DNAAF11: variants seen among roughly 807,000 people sequenced by gnomAD.
The protein encoded by DNAAF11 is leucine rich repeat containing 6.
A neutral mutation model predicts 60.8 loss-of-function variants in DNAAF11; 45 were observed. The ratio of observed to expected loss-of-function variants is 0.74; its 90% CI spans 0.58 to 0.95. The LOEUF is 0.95. Among genes scored for constraint, DNAAF11 ranks in the 40% least tolerant of loss-of-function variants. DNAAF11 has a pLI of 0.00. For synonymous variants in DNAAF11, 191 were observed against 183.5 expected (o/e 1.04, Z -0.33); for missense variants, 546 against 546.2 (o/e 1.00, Z 0.00).
intron 11 of DNAAF11, among the ~76,000 whole-genome samples, chr8:132,574,242 G>A (rs753006135): frequency 1.3e-5 from 2 of 152,194 alleles, no homozygotes; most frequent in African/African-American, 2.4e-5. Flanking sequence ...CAGTAAACAT[G>A]GCAGGCCAGA....
chr8:132,621,649 C>A (rs1253388354), intron 7 of DNAAF11, among the ~76,000 whole-genome samples: 1 of 152,044 alleles, frequency 6.6e-6, no homozygotes, highest in Non-Finnish European at 1.5e-5. Context: ...AACCTGTTAA[C>A]AGTCATTGCT....
intron 3 of DNAAF11, among the ~76,000 whole-genome samples, chr8:132,639,110 C>T (rs978721069): frequency 2.0e-5 from 3 of 152,192 alleles, no homozygotes; most frequent in Admixed American, 2.0e-4. Context: ...ATTAGAATAG[C>T]TCAATGAGCA....
intron 11 of DNAAF11, among the ~76,000 whole-genome samples, chr8:132,582,066 G>C (rs1815399941): frequency 6.6e-6 from 1 of 152,220 alleles, no homozygotes; most frequent in South Asian, 2.1e-4. Context: ...GGCCCTCCCG[G>C]TGGACGGCTG....
chr8:132,694,266 T>C, the DNAAF11 span, among the ~76,000 whole-genome samples: 11 of 152,192 alleles, frequency 7.2e-5, no homozygotes, highest in African/African-American at 2.7e-4. Context: ...GTGGACTCAG[T>C]TGTGTCCTCC....
At chr8:132,635,034 A>G (rs1222702328) in intron 4 of DNAAF11, among the ~76,000 whole-genome samples, 2 of 152,130 alleles carry the variant, frequency 1.3e-5, no homozygotes, top group African/African-American at 2.4e-5. Context: ...TGACAACTGA[A>G]CCCTCTGTCA....
At chr8:132,690,955 T>C in the DNAAF11 span, among the ~76,000 whole-genome samples, 23 of 152,104 alleles carry the variant, frequency 1.5e-4, no homozygotes, top group African/African-American at 5.3e-4. Context: ...CTGGCTAAAG[T>C]AGTATTTGTC....
intron 2 of DNAAF11, among the ~76,000 whole-genome samples, chr8:132,657,910 C>T (rs1232529395): frequency 6.6e-6 from 1 of 152,138 alleles, no homozygotes; most frequent in Non-Finnish European, 1.5e-5. Context: ...GACTCCAGAA[C>T]CTGGAACTAA....
At position 132,675,361 on chromosome 8, in the gene DNAAF11, G is replaced by C. The variant is rs543160355; in HGVS notation, c.10+123C>G. On this transcript the variant is annotated intron_variant, in intron 1 of 11. Transcript: ENST00000620350. Reference sequence around the variant, plus strand: ...CGGTGCGGAGGGCCGGGTGGGGTTAGGGTCCGCCCAGGCGCGGGGGAACCG... The same window carrying C: ...CGGTGCGGAGGGCCGGGTGGGGTTACGGTCCGCCCAGGCGCGGGGGAACCG... The C allele has an allele frequency of 2.4e-4, 265 of 1,106,270 alleles. 2 individuals are homozygous for C. The South Asian group carries it at 4.0e-3, about 17-fold the overall frequency. The allele number at this position is 1,106,270 out of a possible 1,614,324, so 68.5% of individuals were successfully genotyped here. A position where few individuals can be genotyped will look rare whatever the true frequency, so the allele number is the denominator to read the frequency against.
At chr8:132,595,766 T>A (rs952323583) in intron 10 of DNAAF11, among the ~76,000 whole-genome samples, 1 of 152,104 alleles carries the variant, frequency 6.6e-6, no homozygotes, top group Admixed American at 6.6e-5. Context: ...AAAACACAAC[T>A]ATAAACGAAA....
At chr8:132,628,273 A>G (rs1820473657) in intron 5 of DNAAF11, among the ~76,000 whole-genome samples, 2 of 152,068 alleles carry the variant, frequency 1.3e-5, no homozygotes, top group South Asian at 4.1e-4. Context: ...TTACTCGGGC[A>G]TGGTGGCACA....
At chr8:132,679,195 T>G (rs1825830010), upstream of DNAAF11, among the ~76,000 whole-genome samples, 1 of 152,360 alleles carries the variant, frequency 6.6e-6, no homozygotes, top group South Asian at 2.1e-4. Flanking sequence ...TTTTTTAGAC[T>G]GAGAGCTACT....
chr8:132,678,571 G>A (rs1825821221), upstream of DNAAF11, among the ~76,000 whole-genome samples: 3 of 151,818 alleles, frequency 2.0e-5, 1 homozygote, highest in South Asian at 4.2e-4. Context: ...TTTTTATAGA[G>A]ATAAGGTCTC....
intron 10 of DNAAF11, among the ~76,000 whole-genome samples, chr8:132,603,821 C>A: frequency 6.6e-6 from 1 of 151,748 alleles, no homozygotes; most frequent in East Asian, 1.9e-4. Context: ...AGGTGACATT[C>A]AAAGAAAAAG....
chr8:132,583,257 C>T (rs1586474156), intron 11 of DNAAF11, among the ~76,000 whole-genome samples: 1 of 152,214 alleles, frequency 6.6e-6, no homozygotes, highest in East Asian at 1.9e-4. Context: ...AGCAACGGTA[C>T]CAGCAAGGTT....
chr8:132,599,012 T>C (rs1817314080), intron 10 of DNAAF11, among the ~76,000 whole-genome samples: 1 of 151,884 alleles, frequency 6.6e-6, no homozygotes, highest in Non-Finnish European at 1.5e-5. Context: ...ATCAACAACA[T>C]TGATAGACCG....
At chr8:132,651,250 C>T (rs1293052225) in intron 3 of DNAAF11, among the ~76,000 whole-genome samples, 1 of 151,324 alleles carries the variant, frequency 6.6e-6, no homozygotes, top group Non-Finnish European at 1.5e-5. Flanking sequence ...TTATTCTACC[C>T]TGGTGAATCT....
At chr8:132,650,006 T>A (rs1822838278) in intron 3 of DNAAF11, among the ~76,000 whole-genome samples, 1 of 152,202 alleles carries the variant, frequency 6.6e-6, no homozygotes, top group Non-Finnish European at 1.5e-5. Flanking sequence ...GACCCAGCCA[T>A]CCCATTACTG....
intron 1 of DNAAF11, among the ~76,000 whole-genome samples, chr8:132,666,710 T>G (rs1261300751): frequency 3.9e-5 from 6 of 152,226 alleles, no homozygotes; most frequent in Admixed American, 2.6e-4. Context: ...GTGTATCTTC[T>G]TTCACTTTGC....
At chr8:132,591,727 C>T (rs972508118) in intron 10 of DNAAF11, among the ~76,000 whole-genome samples, 1 of 151,990 alleles carries the variant, frequency 6.6e-6, no homozygotes, top group Admixed American at 6.5e-5. Flanking sequence ...ACGTGGTAAG[C>T]CCTCAACAAT....
Sources: gnomAD v4.1 joint callset for allele counts (sites outside exome capture counted in the v4.1 genomes callset) on GRCh38, gnomAD v4.1.1 for gene constraint, MANE v1.5 for transcripts, NCBI Gene and HGNC (gene_info 2026-07-23, HGNC 2026-07-21) for gene names.